The following PCM1 variants were observed in gnomAD, a reference collection of about 807,000 sequenced individuals.
PCM1 encodes pericentriolar material 1.
A neutral mutation model predicts 241.9 loss-of-function variants in PCM1; 157 were observed. The observed-to-expected ratio is 0.65, with a 90% CI of 0.57 to 0.74. The LOEUF (loss-of-function observed/expected upper bound fraction) is 0.74, where lower values mean the gene tolerates loss of function less well. Among genes scored for constraint, PCM1 ranks in the 30% least tolerant of loss-of-function variants. The probability of loss-of-function intolerance (pLI) is 0.00; values close to 1 mark genes in which losing one functional copy is unlikely to be tolerated. For synonymous variants in PCM1, 1,085 were observed against 784.9 expected, an observed-to-expected ratio of 1.38 and a Z score of -6.39; for missense variants, 3,478 against 2,360.1, an observed-to-expected ratio of 1.47 and a Z score of -9.81.
chr8:17,949,529 C>T (rs1358184465), intron 7 of PCM1, among the ~76,000 whole-genome samples: 1 of 80,422 alleles, frequency 1.2e-5, no homozygotes, highest in Admixed American at 1.5e-4. Context: ...CAGGATCTTG[C>T]TCTGTCACCC....
In PCM1 at chr8:18,011,777, TC is replaced by T; in HGVS notation, c.5464del (p.Leu1822SerfsTer48). 1.2e-6 allele frequency: 2 copies of T among 1,613,740 alleles called. No homozygotes were observed. Among genetic ancestry groups the T allele is most frequent in the South Asian group, 1.1e-5 (1 of 91,018 alleles). ...AGAAGGCCCTGTGGATGTCCAGACT[TC>T]CCTCCAGGCTAACACTGAAGCTACT... ...FEEGPVDVQT[S>X]LQANTEATEE... On this transcript the variant is annotated frameshift_variant, in exon 34 of 39. Coordinates refer to ENST00000325083, the MANE Select transcript of PCM1 (RefSeq NM_006197.4). LOFTEE classifies it high-confidence loss of function.
chr8:18,015,249 G>GGT (rs1161046766), intron 36 of PCM1, among the ~76,000 whole-genome samples: 1 of 92,992 alleles, frequency 1.1e-5, no homozygotes, highest in African/African-American at 3.8e-5. Flanking sequence ...TACAGTGAAT[G>GGT]ATAAAAAAAA....
chr8:17,994,193 A>G (rs180802024), intron 29 of PCM1, among the ~76,000 whole-genome samples: 79 of 152,198 alleles, frequency 5.2e-4, no homozygotes, highest in Non-Finnish European at 4.9e-4. Flanking sequence ...ACTACCTTTC[A>G]TAGCCTCTGG....
intron 22 of PCM1, among the ~76,000 whole-genome samples, chr8:17,970,042 G>A (rs934449307): frequency 1.3e-5 from 2 of 152,082 alleles, no homozygotes; most frequent in Admixed American, 1.3e-4. Context: ...ACTTAGGGCT[G>A]GAAACTAATA....
chr8:17,978,538 C>T (rs1376074973), intron 23 of PCM1, among the ~76,000 whole-genome samples: 1 of 151,908 alleles, frequency 6.6e-6, no homozygotes. Flanking sequence ...TTCCTTACCA[C>T]ACAAGCAGAA....
Position 18,029,701 on chromosome 8 carries a change from T to C in PCM1, c.*2039T>C, listed in dbSNP as rs2094417003. The stretch of plus-strand genomic sequence containing the variant: ...AGATATATTTATTTAATCTGTTTTC[T>C]CTAGTAACTATTGCTGAAGGGTTAG... On this transcript the variant is annotated 3_prime_UTR_variant, in exon 39 of 39. Transcript: ENST00000325083. 1 of 197,406 alleles carries C rather than the reference T, an allele frequency of 5.1e-6. No homozygotes were observed. Among genetic ancestry groups the C allele is most frequent in the Non-Finnish European group, 1.0e-5 (1 of 95,402 alleles). The allele number at this position is 197,406 out of a possible 1,614,324, so 12.2% of individuals were successfully genotyped here. A position where few individuals can be genotyped will look rare whatever the true frequency, so the allele number is the denominator to read the frequency against.
At chr8:17,947,440 T>TG in intron 7 of PCM1, 77 bp downstream of exon 7, 24 of 1,015,718 alleles carry the variant, frequency 2.4e-5, no homozygotes, top group Non-Finnish European at 3.3e-5. Flanking sequence ...ATGCTGATTA[T>TG]TACATAATCA....
intron 27 of PCM1, among the ~76,000 whole-genome samples, chr8:17,990,965 A>G (rs910137102): frequency 1.3e-5 from 2 of 151,954 alleles, no homozygotes; most frequent in African/African-American, 4.8e-5. Flanking sequence ...TGGCCTGCCA[A>G]CCCTCACCCC....
chr8:17,942,094 C>A (rs2062254203), intron 6 of PCM1, among the ~76,000 whole-genome samples: 1 of 152,028 alleles, frequency 6.6e-6, no homozygotes, highest in African/African-American at 2.4e-5. Flanking sequence ...GTAATTTATT[C>A]CCTTTTTTAT....
chr8:17,963,806 A>C (rs2073657686), intron 17 of PCM1, among the ~76,000 whole-genome samples: 1 of 152,328 alleles, frequency 6.6e-6, no homozygotes, highest in African/African-American at 2.4e-5. Flanking sequence ...AGTAGTAACC[A>C]TATCAAAAAT....
Position 18,029,086 on chromosome 8 carries a change from G to C in PCM1, c.*1424G>C, listed in dbSNP as rs1371632153. On this transcript the variant is annotated 3_prime_UTR_variant, in exon 39 of 39. Transcript: ENST00000325083. ...GAATAGCCTGAACCCGGGAGGTGGA[G>C]GTTGCAGGTTGCAGTGAGCCGAGAT... 3.5e-5 allele frequency: 6 copies of C among 172,616 alleles called. No homozygotes were observed. The highest frequency in any genetic ancestry group is 7.4e-5 in the Non-Finnish European group (6 of 81,250). 10.7% of individuals were successfully genotyped at this position (172,616 alleles called of 1,614,324 possible).
chr8:18,013,212 G>C (rs2092733772), intron 34 of PCM1, among the ~76,000 whole-genome samples: 1 of 152,070 alleles, frequency 6.6e-6, no homozygotes, highest in Non-Finnish European at 1.5e-5. Flanking sequence ...ATTGGGAATG[G>C]GGCTGAGGTC....
At chr8:18,012,404 ATTATTAG>A (rs1230458790) in intron 34 of PCM1, among the ~76,000 whole-genome samples, 1 of 152,166 alleles carries the variant, frequency 6.6e-6, no homozygotes, top group Non-Finnish European at 1.5e-5. Context: ...TAATTATTCT[ATTATTAG>A]TTATTGTTAA....
chr8:17,989,019 T>G (rs2083542992), intron 26 of PCM1, among the ~76,000 whole-genome samples: 1 of 151,998 alleles, frequency 6.6e-6, no homozygotes. Flanking sequence ...CATAGCATCT[T>G]TAGTCATGAT....
rs1287056480 is a variant in PCM1, at chr8:17,993,408, A to G, written c.4691-75A>G. On this transcript the variant is annotated intron_variant, in intron 28 of 38. Transcript: ENST00000325083. Reference sequence around the variant, plus strand: ...AAAATCATCAAATTTAATATTTTTCAAATTTCAACATAAAGGCATATATGT... The same window carrying G: ...AAAATCATCAAATTTAATATTTTTCGAATTTCAACATAAAGGCATATATGT... 9 of 1,012,312 alleles carry G rather than the reference A, an allele frequency of 8.9e-6. No homozygotes were observed. In the East Asian group the frequency reaches 2.1e-4, roughly 24 times the overall value. The allele number at this position is 1,012,312 out of a possible 1,614,324, so 62.7% of individuals were successfully genotyped here.
At chr8:17,979,554 T>TG (rs2079979487) in intron 23 of PCM1, among the ~76,000 whole-genome samples, 1 of 152,084 alleles carries the variant, frequency 6.6e-6, no homozygotes, top group African/African-American at 2.4e-5. Context: ...AGTGTTTGAG[T>TG]GGGGGGTATG....
chr8:18,014,323 C>G (rs571347698), intron 35 of PCM1, among the ~76,000 whole-genome samples: 1 of 151,298 alleles, frequency 6.6e-6, no homozygotes, highest in Admixed American at 6.6e-5. Flanking sequence ...AAAAAAAAAT[C>G]TATTTGTAGG....
chr8:17,946,715 C>G (rs531408672), intron 6 of PCM1, among the ~76,000 whole-genome samples: 6 of 152,070 alleles, frequency 3.9e-5, no homozygotes, highest in Non-Finnish European at 7.4e-5. Context: ...AGGCTGGTCT[C>G]AAACTCCTGA....
In PCM1 at chr8:18,028,758, C is replaced by T. The variant is rs966143663; in HGVS notation, c.*1096C>T. The T allele has an allele frequency of 1.0e-5, 2 of 193,356 alleles. No individual in the cohort carries two copies. The highest frequency in any genetic ancestry group is 1.9e-4 in the South Asian group (1 of 5,180). 12.0% of individuals were successfully genotyped at this position (193,356 alleles called of 1,614,324 possible). A position where few individuals can be genotyped will look rare whatever the true frequency, so the allele number is the denominator to read the frequency against. On this transcript the variant is annotated 3_prime_UTR_variant, in exon 39 of 39. Coordinates refer to ENST00000325083, the MANE Select transcript of PCM1 (RefSeq NM_006197.4). ...GTCAATCTTATAGATTCTTCTTCCT[C>T]GAATAAAATACAAAGAATTAGTTCC...
Sources: gnomAD v4.1 joint callset for allele counts (sites outside exome capture counted in the v4.1 genomes callset) on GRCh38, gnomAD v4.1.1 for gene constraint, MANE v1.5 for transcripts, NCBI Gene and HGNC (gene_info 2026-07-23, HGNC 2026-07-21) for gene names.